EP300: variants seen among roughly 807,000 people sequenced by gnomAD.
EP300 encodes histone acetyltransferase p300.
A neutral mutation model predicts 264.0 loss-of-function variants in EP300; 31 were observed. The ratio of observed to expected loss-of-function variants is 0.12; its 90% CI spans 0.09 to 0.16. The LOEUF is 0.16. Ranked by LOEUF, EP300 falls within the 10% of genes least tolerant of loss-of-function variation. EP300 has a pLI of 1.00. For missense variants in EP300, 2,766 were observed against 3,052.9 expected (o/e 0.91, Z 2.21); for synonymous variants, 1,340 against 1,045.4 (o/e 1.28, Z -5.44).
chr22:41,171,650 C>G (rs1422002461), intron 27 of EP300, among the ~76,000 whole-genome samples: 2 of 150,000 alleles, frequency 1.3e-5, no homozygotes, highest in Non-Finnish European at 3.0e-5. Context: ...AATATATTCT[C>G]CCTTTTTTTT....
chr22:41,144,420 C>T (rs191515298), intron 10 of EP300, among the ~76,000 whole-genome samples: 5 of 150,298 alleles, frequency 3.3e-5, no homozygotes, highest in Admixed American at 1.3e-4. Context: ...GGTGTGATCT[C>T]GGCTCACTGC....
intron 20 of EP300, among the ~76,000 whole-genome samples, chr22:41,161,904 A>C (rs747464415): frequency 2.0e-5 from 3 of 152,178 alleles, no homozygotes; most frequent in Non-Finnish European, 4.4e-5. Context: ...TTGATCCTTG[A>C]AACATTTTGA....
rs149971238 is a variant in EP300, at chr22:41,115,422, T to G, written c.95-1765T>G. On this transcript the variant is annotated intron_variant, in intron 1 of 30. Transcript: ENST00000263253. The stretch of plus-strand genomic sequence containing the variant: ...TGAGAAACCCTGCATTAATCTATAC[T>G]TAGCACCCAGTTTTGTTTGTTCTTT... Among the ~76,000 whole-genome samples, 137 of 152,310 alleles carry G rather than the reference T, an allele frequency of 9.0e-4. 1 individual carries two copies. The highest frequency in any genetic ancestry group is 4.1e-3 in the East Asian group (21 of 5,182).
At chr22:41,153,302 G>C (rs906668657) in intron 16 of EP300, among the ~76,000 whole-genome samples, 13 of 152,178 alleles carry the variant, frequency 8.5e-5, no homozygotes, top group African/African-American at 3.1e-4. Flanking sequence ...GAGTGAGTCT[G>C]CTGGCTCTTA....
chr22:41,159,615 G>T (rs966787981), intron 19 of EP300: 1 of 152,184 alleles, frequency 6.6e-6, no homozygotes, highest in Non-Finnish European at 1.5e-5. Context: ...CTTTTGAAAT[G>T]TATCACTTGA....
chr22:41,109,760 T>G (rs1345310102), intron 1 of EP300, among the ~76,000 whole-genome samples: 1 of 151,820 alleles, frequency 6.6e-6, no homozygotes, highest in East Asian at 1.9e-4. Context: ...GGAGTTGGTT[T>G]TTTTTTTTGG....
At chr22:41,154,325 T>C (rs930897005) in intron 16 of EP300, among the ~76,000 whole-genome samples, 1 of 151,392 alleles carries the variant, frequency 6.6e-6, no homozygotes, top group African/African-American at 2.4e-5. Context: ...GAAAGACTTT[T>C]CTGTTCTTGC....
At chr22:41,100,889 T>G (rs1165224536) in intron 1 of EP300, among the ~76,000 whole-genome samples, 1 of 152,058 alleles carries the variant, frequency 6.6e-6, no homozygotes, top group Admixed American at 6.6e-5. Context: ...CGTATATATA[T>G]ATCATATATA....
At chr22:41,110,114 C>T (rs763259288) in intron 1 of EP300, among the ~76,000 whole-genome samples, 14 of 84,570 alleles carry the variant, frequency 1.7e-4, no homozygotes, top group South Asian at 5.9e-4. Flanking sequence ...CATCCTGTTC[C>T]CTGCCCCCCC....
intron 22 of EP300, among the ~76,000 whole-genome samples, chr22:41,164,644 G>A (rs1266882976): frequency 1.3e-5 from 2 of 152,176 alleles, no homozygotes; most frequent in African/African-American, 2.4e-5. Flanking sequence ...GAACCTGTGA[G>A]GGGGAGGTTG....
intron 1 of EP300, among the ~76,000 whole-genome samples, chr22:41,096,280 C>G (rs1461155383): frequency 1.3e-5 from 2 of 152,094 alleles, no homozygotes; most frequent in Non-Finnish European, 2.9e-5. Flanking sequence ...TTCTGATCAT[C>G]TTGAGTGATG....
intron 18 of EP300, among the ~76,000 whole-genome samples, chr22:41,158,086 T>C (rs1199600253): frequency 6.6e-6 from 1 of 152,228 alleles, no homozygotes; most frequent in East Asian, 1.9e-4. Flanking sequence ...TCTTGCTGTG[T>C]TGCCTAAGCT....
At chr22:41,147,636 G>A (rs1227750921) in intron 11 of EP300, among the ~76,000 whole-genome samples, 4 of 152,050 alleles carry the variant, frequency 2.6e-5, no homozygotes, top group Non-Finnish European at 5.9e-5. Flanking sequence ...TACTCAGGAG[G>A]CTGAGGCAGG....
At chr22:41,105,202 A>AGG (rs2058752010) in intron 1 of EP300, among the ~76,000 whole-genome samples, 3 of 60,692 alleles carry the variant, frequency 4.9e-5, no homozygotes, top group Non-Finnish European at 1.1e-4. Context: ...ATCTCAGAAA[A>AGG]AAAAAAAAAA....
chr22:41,108,971 C>T (rs989034668), intron 1 of EP300, among the ~76,000 whole-genome samples: 1 of 152,092 alleles, frequency 6.6e-6, no homozygotes. Context: ...ACCTTACTGT[C>T]TAGAAAAAAT....
chr22:41,157,117 C>G, intron 17 of EP300, 52 bp from the exon 18 acceptor site: 1 of 1,610,612 alleles, frequency 6.2e-7, no homozygotes, highest in Non-Finnish European at 8.5e-7. Flanking sequence ...TACTCCATCT[C>G]CCGTAAAAAT....
intron 3 of EP300, among the ~76,000 whole-genome samples, chr22:41,127,249 CTTTTGCTCTCTGT>C (rs1219509458): frequency 6.6e-6 from 1 of 152,022 alleles, no homozygotes; most frequent in Non-Finnish European, 1.5e-5. Context: ...CTTCTCTCTG[CTTTTGCTCTCTGT>C]GTATTATACA....
intron 11 of EP300, among the ~76,000 whole-genome samples, chr22:41,147,070 C>T (rs577872248): frequency 1.4e-4 from 21 of 150,462 alleles, no homozygotes; most frequent in South Asian, 6.3e-4. Flanking sequence ...TTTGGGAGGC[C>T]GAGGCTGGTG....
At chr22:41,115,194 T>TG (rs2058814174) in intron 1 of EP300, among the ~76,000 whole-genome samples, 1 of 152,138 alleles carries the variant, frequency 6.6e-6, no homozygotes, top group Admixed American at 6.6e-5. Context: ...TGTCAATAGG[T>TG]CAATCAGGAG....
Sources: allele counts gnomAD v4.1 joint callset (sites outside exome capture counted in the v4.1 genomes callset), GRCh38; gene constraint gnomAD v4.1.1; transcripts MANE v1.5; gene names NCBI Gene and HGNC (gene_info 2026-07-23, HGNC 2026-07-21).